CDH4: variants seen among roughly 807,000 people sequenced by gnomAD.
The protein encoded by CDH4 is cadherin-4.
In CDH4, 33 loss-of-function variants were observed where a neutral mutation model predicts 86.0. The observed-to-expected ratio is 0.38, with a 90% CI of 0.29 to 0.51. The LOEUF is 0.51. Ranked by LOEUF, CDH4 falls within the 20% of genes least tolerant of loss-of-function variation. The pLI is 0.86. For synonymous variants in CDH4, 555 were observed against 549.4 expected (o/e 1.01, Z -0.14); for missense variants, 1,114 against 1,307.4 (o/e 0.85, Z 2.28).
At chr20:61,529,686 C>T (rs981512948) in intron 2 of CDH4, among the ~76,000 whole-genome samples, 5 of 152,160 alleles carry the variant, frequency 3.3e-5, no homozygotes, top group Middle Eastern at 3.4e-3. Flanking sequence ...TCATGGTGAG[C>T]GAGGGCCTTG....
At chr20:61,271,807 A>C (rs2084184914) in intron 2 of CDH4, among the ~76,000 whole-genome samples, 1 of 152,204 alleles carries the variant, frequency 6.6e-6, no homozygotes, top group Admixed American at 6.5e-5. Context: ...TGCAATGGAA[A>C]GATGAAAACG....
intron 2 of CDH4, among the ~76,000 whole-genome samples, chr20:61,499,109 C>T (rs990678838): frequency 1.3e-5 from 2 of 152,196 alleles, no homozygotes; most frequent in Admixed American, 1.3e-4. Flanking sequence ...TGGAAAGGAG[C>T]TTCGGACACC....
At chr20:61,508,850 AG>A (rs1298517468) in intron 2 of CDH4, among the ~76,000 whole-genome samples, 1 of 152,232 alleles carries the variant, frequency 6.6e-6, no homozygotes, top group Non-Finnish European at 1.5e-5. Flanking sequence ...CCAGAGGGCA[AG>A]GAGGGCTTGG....
chr20:61,344,923 C>T lies in CDH4; in HGVS notation c.169+89986C>T, dbSNP rs558636717. Reference sequence around the variant, plus strand: ...TCCTTTGAAACAAAGTCAGGTTCTGCGCCGGCTATTGACCCGCAGACTCGA... The same window carrying T: ...TCCTTTGAAACAAAGTCAGGTTCTGTGCCGGCTATTGACCCGCAGACTCGA... On this transcript the variant is annotated intron_variant, in intron 2 of 15. Transcript: ENST00000614565. Among the ~76,000 whole-genome samples the T allele has an allele frequency of 1.1e-4, 16 of 152,288 alleles. No homozygotes were observed. In the South Asian group the frequency reaches 3.1e-3, roughly 30 times the overall value.
At chr20:61,449,683 C>A (rs1288964402) in intron 2 of CDH4, among the ~76,000 whole-genome samples, 3 of 152,190 alleles carry the variant, frequency 2.0e-5, no homozygotes, top group Non-Finnish European at 4.4e-5. Flanking sequence ...GAAATCACCA[C>A]TGCTAATATT....
chr20:61,847,571 A>G (rs1350398020), intron 5 of CDH4, among the ~76,000 whole-genome samples: 2 of 152,246 alleles, frequency 1.3e-5, no homozygotes, highest in Admixed American at 6.5e-5. Context: ...CACGCTGTGT[A>G]AACATGTGCA....
chr20:61,415,423 G>A (rs762286070), intron 2 of CDH4, among the ~76,000 whole-genome samples: 18 of 152,136 alleles, frequency 1.2e-4, no homozygotes, highest in East Asian at 3.9e-4. Context: ...TACAGTCAGC[G>A]GCATTAGGTA....
intron 2 of CDH4, among the ~76,000 whole-genome samples, chr20:61,566,764 C>T (rs1429782775): frequency 1.3e-5 from 2 of 152,156 alleles, no homozygotes; most frequent in Non-Finnish European, 2.9e-5. Context: ...TGAGCAGGGC[C>T]GATTCTACCG....
chr20:61,855,600 A>G (rs557588578), intron 6 of CDH4, among the ~76,000 whole-genome samples: 1 of 152,328 alleles, frequency 6.6e-6, no homozygotes, highest in South Asian at 2.1e-4. Flanking sequence ...TTCTATCACA[A>G]ATCAAACCTC....
At chr20:61,822,786 A>T (rs759107283) in intron 4 of CDH4, among the ~76,000 whole-genome samples, 13 of 152,140 alleles carry the variant, frequency 8.5e-5, no homozygotes, top group Non-Finnish European at 1.6e-4. Flanking sequence ...TGCCCATCTG[A>T]TCCTTCTCCC....
chr20:61,499,548 T>C (rs540665053), intron 2 of CDH4: 8 of 1,278,286 alleles, frequency 6.3e-6, no homozygotes, highest in Non-Finnish European at 8.2e-6. Flanking sequence ...CTTCTTTATC[T>C]AACTGGGCCC....
intron 2 of CDH4, among the ~76,000 whole-genome samples, chr20:61,726,707 TCATCATCACCATCGCTGC>T (rs901849926): frequency 6.6e-5 from 10 of 150,934 alleles, no homozygotes; most frequent in African/African-American, 2.4e-4. Flanking sequence ...ATTGGTGCTA[TCATCATCACCATCGCTGC>T]CATCATCACC....
rs530644286 is a variant in CDH4 at position 61,799,990 on chromosome 20, A to C, written c.576+26808A>C. The stretch of plus-strand genomic sequence containing the variant: ...TTGTCTTCATGGCCCGTCCCTTCCC[A>C]TGACCCGCTCGGCTGCAGCGGCCCT... On this transcript the variant is annotated intron_variant, in intron 4 of 15. Coordinates refer to ENST00000614565, the MANE Select transcript of CDH4 (RefSeq NM_001794.5). Among the ~76,000 whole-genome samples the C allele has an allele frequency of 1.1e-4, 16 of 150,946 alleles. No homozygotes were observed. In the East Asian group the frequency reaches 3.1e-3, roughly 30 times the overall value.
intron 2 of CDH4, among the ~76,000 whole-genome samples, chr20:61,540,571 A>G (rs1000441002): frequency 7.0e-4 from 107 of 152,322 alleles, no homozygotes; most frequent in African/African-American, 2.3e-3. Context: ...CACGTGCCAT[A>G]CGAAATGCCG....
chr20:61,581,143 T>G (rs994402491), intron 2 of CDH4, among the ~76,000 whole-genome samples: 2 of 152,186 alleles, frequency 1.3e-5, no homozygotes, highest in African/African-American at 4.8e-5. Flanking sequence ...TGGCCTGGTC[T>G]GCAGAGGAGG....
At chr20:61,899,585 G>A (rs1333420360) in intron 8 of CDH4, among the ~76,000 whole-genome samples, 4 of 152,004 alleles carry the variant, frequency 2.6e-5, no homozygotes, top group African/African-American at 4.8e-5. Context: ...CTGCCACCAC[G>A]CCCGGCTAAT....
chr20:61,364,689 A>G (rs901298765), intron 2 of CDH4, among the ~76,000 whole-genome samples: 3 of 152,206 alleles, frequency 2.0e-5, no homozygotes, highest in Non-Finnish European at 4.4e-5. Flanking sequence ...TTTAAACCCC[A>G]GGGTGGAGAT....
Position 61,934,091 on chromosome 20 carries a change from C to T in CDH4, c.2415C>T (p.Ala805=). The T allele has an allele frequency of 6.2e-7, 1 of 1,611,406 alleles. No individual in the cohort carries two copies. Among genetic ancestry groups the T allele is most frequent in the Non-Finnish European group, 8.5e-7 (1 of 1,179,846 alleles). ...YDLSQLQQPE[A]MGHVPSKAPG... is the part of the protein sequence containing the mutation. The stretch of plus-strand genomic sequence containing the variant: ...TCAGCCAGCTGCAGCAGCCGGAAGC[C>T]ATGGGGCACGTGCCAAGCAAAGCCC... The change falls in exon 15 of 16, where the codon GCC becomes GCT. Residue 805 remains alanine, a synonymous_variant. Coordinates refer to ENST00000614565, the MANE Select transcript of CDH4 (RefSeq NM_001794.5).
rs529883725 is a variant in CDH4 at position 61,432,410 on chromosome 20, G to A, written c.169+177473G>A. Among the ~76,000 whole-genome samples, 6 of 152,198 alleles carry A rather than the reference G, an allele frequency of 3.9e-5. No individual in the cohort carries two copies. The East Asian group carries it at 7.7e-4, about 20-fold the overall frequency. Reference sequence around the variant, plus strand: ...CTGACAATATTAGGCATATTTTCACGTTCTCCTTGATCATCTCATGCATCT... The same window carrying A: ...CTGACAATATTAGGCATATTTTCACATTCTCCTTGATCATCTCATGCATCT... On this transcript the variant is annotated intron_variant, in intron 2 of 15. Transcript: ENST00000614565.
Sources: gnomAD v4.1 joint callset for allele counts (sites outside exome capture counted in the v4.1 genomes callset) on GRCh38, gnomAD v4.1.1 for gene constraint, MANE v1.5 for transcripts, NCBI Gene and HGNC (gene_info 2026-07-23, HGNC 2026-07-21) for gene names.